B4GALNT3: variants seen among roughly 807,000 people sequenced by gnomAD.
The protein encoded by B4GALNT3 is beta-1,4-N-acetyl-galactosaminyltransferase 3.
In B4GALNT3, 86 loss-of-function variants were observed where a neutral mutation model predicts 120.2. The ratio of observed to expected loss-of-function variants is 0.72; its 90% CI spans 0.60 to 0.86. The LOEUF (loss-of-function observed/expected upper bound fraction) is 0.86. Ranked by LOEUF, B4GALNT3 falls within the 40% of genes least tolerant of loss-of-function variation. The pLI is 0.00. For synonymous variants in B4GALNT3, 518 were observed against 510.4 expected (o/e 1.01, Z -0.20); for missense variants, 1,167 against 1,298.9 (o/e 0.90, Z 1.56).
chr12:488,359 T>A (rs540683352), intron 1 of B4GALNT3, among the ~76,000 whole-genome samples: 65 of 152,286 alleles, frequency 4.3e-4, no homozygotes, highest in African/African-American at 1.6e-3. Flanking sequence ...AAGAAGAATG[T>A]TGTAGAATGA....
At chr12:472,354 C>T (rs1033516626) in intron 1 of B4GALNT3, among the ~76,000 whole-genome samples, 1 of 152,224 alleles carries the variant, frequency 6.6e-6, no homozygotes, top group Non-Finnish European at 1.5e-5. Flanking sequence ...GATCATGGCT[C>T]GCTGCAGTCT....
intron 1 of B4GALNT3, among the ~76,000 whole-genome samples, chr12:512,905 C>G (rs1374149477): frequency 6.7e-6 from 1 of 150,194 alleles, no homozygotes; most frequent in Non-Finnish European, 1.5e-5. Flanking sequence ...CTTCCGCCTT[C>G]CGCTTTCCAC....
chr12:528,311 G>A (rs533540993), intron 1 of B4GALNT3, among the ~76,000 whole-genome samples: 5 of 152,038 alleles, frequency 3.3e-5, no homozygotes, highest in Admixed American at 6.6e-5. Context: ...ACTACAGCCC[G>A]AACCCCTGGG....
intron 1 of B4GALNT3, among the ~76,000 whole-genome samples, chr12:523,377 G>GA (rs1358934798): frequency 6.6e-6 from 1 of 152,206 alleles, no homozygotes; most frequent in Non-Finnish European, 1.5e-5. Flanking sequence ...ATCCTTTTCT[G>GA]AAGCGTGGAT....
chr12:558,640 G>A lies in B4GALNT3; in HGVS notation c.2740G>A (p.Ala914Thr), dbSNP rs141487675. The A allele has an allele frequency of 3.7e-4, 604 of 1,613,992 alleles. No homozygotes were observed. Among genetic ancestry groups the A allele is most frequent in the Non-Finnish European group, 4.7e-4 (556 of 1,179,980 alleles). Residue 914 changes from alanine (A) to threonine (T), a missense_variant, in exon 18 of 20, where the codon GCC becomes ACC. Ala to Thr is a moderately conservative substitution (Grantham distance 58). Transcript: ENST00000266383. ...APMVMRLHCG[A>T]TPQWPEGYWE... Reference sequence around the variant, plus strand: ...CATGGTGATGAGGCTGCATTGTGGGGCCACCCCCCAGTGGCCTGAGGGTGA... The same window carrying A: ...CATGGTGATGAGGCTGCATTGTGGGACCACCCCCCAGTGGCCTGAGGGTGA...
chr12:510,674 G>A (rs1480669980), intron 1 of B4GALNT3, among the ~76,000 whole-genome samples: 2 of 152,140 alleles, frequency 1.3e-5, no homozygotes, highest in Non-Finnish European at 2.9e-5. Context: ...GAGCTGCTTT[G>A]GAAAGAAACC....
In B4GALNT3 at chr12:554,044, A is replaced by T. The variant is rs1462495447; in HGVS notation, c.2060+61A>T. On this transcript the variant is annotated intron_variant, in intron 14 of 19. Transcript: ENST00000266383. ...GGCACGTGGCAGCCAGCTGGCCTGG[A>T]AGGCAGGGGCCTAAGGGCTGGTAGT... is the stretch of plus-strand genomic sequence containing the variant. 4 of 1,236,788 alleles carry T rather than the reference A, an allele frequency of 3.2e-6. No individual in the cohort carries two copies. The African/African-American group carries it at 5.9e-5, about 18-fold the overall frequency. The allele number at this position is 1,236,788 out of a possible 1,614,324, so 76.6% of individuals were successfully genotyped here. A position where few individuals can be genotyped will look rare whatever the true frequency, so the allele number is the denominator to read the frequency against.
At chr12:512,672 A>ACCTTCCC (rs1946601843) in intron 1 of B4GALNT3, among the ~76,000 whole-genome samples, 1 of 75,780 alleles carries the variant, frequency 1.3e-5, no homozygotes, top group Non-Finnish European at 2.6e-5. Flanking sequence ...TCCACCTTCC[A>ACCTTCCC]CCTTCCACCT....
At chr12:523,659 A>T (rs563819943) in intron 1 of B4GALNT3, among the ~76,000 whole-genome samples, 37 of 152,312 alleles carry the variant, frequency 2.4e-4, no homozygotes, top group South Asian at 2.3e-3. Flanking sequence ...TAAACAAATT[A>T]ATTAACTTTT....
chr12:507,743 G>A (rs774654736), intron 1 of B4GALNT3, among the ~76,000 whole-genome samples: 1 of 152,350 alleles, frequency 6.6e-6, no homozygotes, highest in Non-Finnish European at 1.5e-5. Flanking sequence ...CATTCCAGCT[G>A]TAGGGCCCGT....
intron 1 of B4GALNT3, among the ~76,000 whole-genome samples, chr12:527,517 C>T (rs569975759): frequency 2.2e-4 from 33 of 152,220 alleles, no homozygotes; most frequent in African/African-American, 6.5e-4. Context: ...CTGCCCTGGC[C>T]GTGAGCATCA....
At chr12:555,858 C>T (rs1255529069) in intron 14 of B4GALNT3, among the ~76,000 whole-genome samples, 4 of 151,932 alleles carry the variant, frequency 2.6e-5, no homozygotes, top group South Asian at 2.1e-4. Context: ...GATCTCGACT[C>T]ATGCAAGCTC....
intron 6 of B4GALNT3, 27 bp from the exon 7 acceptor site, chr12:546,619 C>G (rs369584809): frequency 1.9e-6 from 3 of 1,546,968 alleles, no homozygotes; most frequent in Non-Finnish European, 2.6e-6. Context: ...CTGTTCCTCC[C>G]TCCTCTTCTC....
At chr12:529,367 C>G (rs993664212) in intron 1 of B4GALNT3, among the ~76,000 whole-genome samples, 4 of 152,204 alleles carry the variant, frequency 2.6e-5, no homozygotes, top group Non-Finnish European at 5.9e-5. Flanking sequence ...TGTCTACCCC[C>G]TTGTGATGGA....
chr12:460,299 G>A lies in B4GALNT3; in HGVS notation c.-78G>A. The A allele has an allele frequency of 1.0e-6, 1 of 954,400 alleles. No individual in the cohort carries two copies. The highest frequency in any genetic ancestry group is 4.7e-5 in the South Asian group (1 of 21,152). 59.1% of individuals were successfully genotyped at this position (954,400 alleles called of 1,614,324 possible). On this transcript the variant is annotated 5_prime_UTR_variant, in exon 1 of 20. Transcript: ENST00000266383. The surrounding 1 kb of genome is among the most constrained non-coding windows in gnomAD (Gnocchi z 8.0). ...GCTGGGCCGGGACGCGGGGCGCCCT[G>A]GGCGCGGGGCCCGGCCGGGGGGCGG...
chr12:554,277 C>G (rs1592057516), intron 14 of B4GALNT3, among the ~76,000 whole-genome samples: 1 of 152,192 alleles, frequency 6.6e-6, no homozygotes, highest in East Asian at 1.9e-4. Flanking sequence ...GTCCCCTCCT[C>G]CGAGGAAAGA....
At chr12:543,304 C>T (rs34907895) in intron 3 of B4GALNT3, 135,688 of 983,414 alleles carry the variant, frequency 0.14, 10,249 homozygotes, top group Non-Finnish European at 0.16. Context: ...CCCAGCCTCC[C>T]GGAGCTGAGG....
intron 1 of B4GALNT3, among the ~76,000 whole-genome samples, chr12:479,614 G>T (rs1173094842): frequency 6.6e-6 from 1 of 152,180 alleles, no homozygotes; most frequent in Non-Finnish European, 1.5e-5. Context: ...CAGATAAAAA[G>T]TCTGGAAGAA....
intron 14 of B4GALNT3, among the ~76,000 whole-genome samples, chr12:555,731 T>C (rs1374357562): frequency 1.3e-5 from 2 of 152,232 alleles, no homozygotes; most frequent in Admixed American, 6.5e-5. Flanking sequence ...TTTTTCTACA[T>C]CCTTATCAAC....
Sources: allele counts gnomAD v4.1 joint callset (sites outside exome capture counted in the v4.1 genomes callset), GRCh38; gene constraint gnomAD v4.1.1; non-coding constraint Gnocchi (gnomAD v3.1); transcripts MANE v1.5; gene names NCBI Gene and HGNC (gene_info 2026-07-23, HGNC 2026-07-21).